Variants in THSD7A observed in about 807,000 individuals in gnomAD.
THSD7A encodes thrombospondin type-1 domain-containing protein 7A.
THSD7A carries 96 observed loss-of-function variants against 231.3 expected under a neutral mutation model. That is an observed-to-expected ratio of 0.41 (90% CI 0.35 to 0.49). THSD7A has a LOEUF of 0.49. Ranked by LOEUF, THSD7A falls within the 20% of genes least tolerant of loss-of-function variation. The pLI, the probability that THSD7A is intolerant of heterozygous loss-of-function variation, is 0.05. For missense variants in THSD7A, 2,290 were observed against 2,070.2 expected (o/e 1.11, Z -2.06); for synonymous variants, 940 against 743.3 (o/e 1.26, Z -4.30).
Position 11,428,972 on chromosome 7 carries a change from C to A in THSD7A, c.3218G>T (p.Cys1073Phe). 6.2e-7 allele frequency: 1 copy of A among 1,610,944 alleles called. No individual in the cohort carries two copies. Among genetic ancestry groups the A allele is most frequent in the Non-Finnish European group, 8.5e-7 (1 of 1,178,658 alleles). ...REKPYNGGRP[C>F]PKLDHVNQAQ... ...CTGGTTGACATGGTCCAGTTTGGGG[C>A]AAGGCCTTCCTCCATTATATGGTTT... The change falls in exon 14 of 28, where the codon TGC becomes TTC. Residue 1073 changes from cysteine (C) to phenylalanine (F), a missense_variant. Cys to Phe is a radical substitution (Grantham distance 205, BLOSUM62 -2). Coordinates refer to ENST00000423059, the MANE Select transcript of THSD7A (RefSeq NM_015204.3).
intron 4 of THSD7A, among the ~76,000 whole-genome samples, chr7:11,556,182 A>T (rs185257703): frequency 6.6e-6 from 1 of 151,360 alleles, no homozygotes; most frequent in Non-Finnish European, 1.5e-5. Context: ...TTAGAATACC[A>T]TTTTGATTTA....
chr7:11,639,396 G>A (rs796502686), intron 1 of THSD7A, among the ~76,000 whole-genome samples: 3 of 152,224 alleles, frequency 2.0e-5, no homozygotes, highest in East Asian at 3.9e-4. Flanking sequence ...TGGGCCGGGC[G>A]CTGTGGCTCA....
intron 1 of THSD7A, among the ~76,000 whole-genome samples, chr7:11,638,089 C>T (rs530321724): frequency 2.6e-5 from 4 of 152,072 alleles, no homozygotes; most frequent in East Asian, 3.9e-4. Flanking sequence ...ACACTACTGT[C>T]GTCCTCCCTG....
chr7:11,657,988 T>C (rs766657087), intron 1 of THSD7A, among the ~76,000 whole-genome samples: 1 of 151,542 alleles, frequency 6.6e-6, no homozygotes, highest in Non-Finnish European at 1.5e-5. Flanking sequence ...TATAGAACAC[T>C]CAGAAAGTGA....
chr7:11,772,881 A>T (rs1783279644), intron 1 of THSD7A, among the ~76,000 whole-genome samples: 1 of 152,230 alleles, frequency 6.6e-6, no homozygotes, highest in African/African-American at 2.4e-5. Context: ...TGACAAAAAA[A>T]GTTCATTTTG....
At chr7:11,409,324 C>T (rs1783700681) in intron 19 of THSD7A, among the ~76,000 whole-genome samples, 1 of 152,180 alleles carries the variant, frequency 6.6e-6, no homozygotes, top group Non-Finnish European at 1.5e-5. Context: ...ACTGATGTGG[C>T]ACTGAATGCA....
At chr7:11,567,082 C>G (rs1790374522) in intron 4 of THSD7A, among the ~76,000 whole-genome samples, 1 of 151,718 alleles carries the variant, frequency 6.6e-6, no homozygotes, top group Admixed American at 6.6e-5. Context: ...TAAGTAAAAG[C>G]TAATAATCCT....
intron 2 of THSD7A, among the ~76,000 whole-genome samples, chr7:11,601,719 G>A (rs1296241263): frequency 6.6e-6 from 1 of 152,064 alleles, no homozygotes; most frequent in African/African-American, 2.4e-5. Context: ...GACTGATGAC[G>A]GTGTGACTTA....
chr7:11,639,781 A>G (rs1782010293), intron 1 of THSD7A, among the ~76,000 whole-genome samples: 1 of 152,214 alleles, frequency 6.6e-6, no homozygotes, highest in African/African-American at 2.4e-5. Context: ...CTTCAAGTCT[A>G]TATGTTATTG....
chr7:11,511,515 G>A (rs188104505), intron 6 of THSD7A, among the ~76,000 whole-genome samples: 5,788 of 152,144 alleles, frequency 0.038, 147 homozygotes, highest in Non-Finnish European at 0.061. Flanking sequence ...GAGGCATCAC[G>A]CTACCTGACT....
chr7:11,412,834 G>A, intron 17 of THSD7A, 34 bp from the exon 18 acceptor site: 2 of 1,591,880 alleles, frequency 1.3e-6, no homozygotes, highest in South Asian at 1.1e-5. Flanking sequence ...TCAGAAAGGT[G>A]AATACTCAGC....
chr7:11,565,486 C>T (rs1790270077), intron 4 of THSD7A, among the ~76,000 whole-genome samples: 1 of 152,154 alleles, frequency 6.6e-6, no homozygotes, highest in Non-Finnish European at 1.5e-5. Context: ...ACAAGGTTAC[C>T]TGTTAGGAGA....
intron 19 of THSD7A, among the ~76,000 whole-genome samples, chr7:11,409,226 C>CTAGT (rs145395526): frequency 0.012 from 1,768 of 152,236 alleles, 17 homozygotes; most frequent in Non-Finnish European, 0.018. Flanking sequence ...TACATAAATG[C>CTAGT]TAGTTAGGTT....
chr7:11,549,518 G>A (rs1018211119), intron 4 of THSD7A, among the ~76,000 whole-genome samples: 6 of 151,976 alleles, frequency 3.9e-5, no homozygotes, highest in Non-Finnish European at 1.5e-5. Context: ...GCAAAGACAT[G>A]GAATCAACCC....
At chr7:11,827,349 A>G (rs1277279224) in intron 1 of THSD7A, among the ~76,000 whole-genome samples, 3 of 152,086 alleles carry the variant, frequency 2.0e-5, no homozygotes, top group African/African-American at 7.2e-5. Context: ...CTACCTCTAT[A>G]CCTAAAATGT....
chr7:11,475,577 T>C (rs1786129383), intron 7 of THSD7A, among the ~76,000 whole-genome samples: 1 of 147,258 alleles, frequency 6.8e-6, no homozygotes, highest in Non-Finnish European at 1.5e-5. Context: ...TATATGTATA[T>C]ATAACATATA....
rs189388132 is a variant in THSD7A, at chr7:11,830,356, T to C, written c.190+1401A>G. Among the ~76,000 whole-genome samples the C allele has an allele frequency of 2.0e-3, 306 of 152,364 alleles. 2 individuals carry two copies. The highest frequency in any genetic ancestry group is 6.7e-3 in the African/African-American group (279 of 41,590). On this transcript the variant is annotated intron_variant, in intron 1 of 27. Transcript: ENST00000423059. Reference sequence around the variant, plus strand: ...CTAAGAAGCTCTCCCCAAGCATCCATATGATACCATTTAATGGTAAATTAT... The same window carrying C: ...CTAAGAAGCTCTCCCCAAGCATCCACATGATACCATTTAATGGTAAATTAT...
intron 11 of THSD7A, among the ~76,000 whole-genome samples, chr7:11,449,049 G>A (rs1377223389): frequency 2.0e-5 from 3 of 152,078 alleles, no homozygotes; most frequent in Non-Finnish European, 4.4e-5. Flanking sequence ...AATCATAGCA[G>A]TCTAAGATGG....
At chr7:11,656,040 G>A (rs191378718) in intron 1 of THSD7A, among the ~76,000 whole-genome samples, 139 of 151,912 alleles carry the variant, frequency 9.2e-4, no homozygotes, top group African/African-American at 3.1e-3. Context: ...ACTGATACAG[G>A]TTCTTGAGGT....
Sources: allele counts gnomAD v4.1 joint callset (sites outside exome capture counted in the v4.1 genomes callset), GRCh38; gene constraint gnomAD v4.1.1; transcripts MANE v1.5; gene names NCBI Gene and HGNC (gene_info 2026-07-23, HGNC 2026-07-21).